Variants in COL1A2 observed in about 807,000 individuals in gnomAD.
COL1A2 encodes the protein collagen type I alpha 2 chain.
COL1A2 carries 49 observed loss-of-function variants against 174.3 expected under a neutral mutation model. That is an observed-to-expected ratio of 0.28 (90% CI 0.22 to 0.36). COL1A2 has a LOEUF of 0.36. COL1A2 is among the 10% of genes least tolerant of loss of function. The pLI, the probability that COL1A2 is intolerant of heterozygous loss-of-function variation, is 1.00. For missense variants in COL1A2, 1,438 were observed against 1,822.7 expected (o/e 0.79, Z 3.84); for synonymous variants, 655 against 606.6 (o/e 1.08, Z -1.17).
chr7:94,429,148 C>G lies in COL1A2; in HGVS notation c.3712-40C>G, dbSNP rs368535442. ...CATGTTTGACTCTTAGTATCTGAGT[C>G]CTTCTCCACTTAACTGGAATTTCAT... On this transcript the variant is annotated intron_variant, in intron 50 of 51. Coordinates refer to ENST00000297268, the MANE Select transcript of COL1A2 (RefSeq NM_000089.4). 4 of 1,410,138 alleles carry G rather than the reference C, an allele frequency of 2.8e-6. No individual in the cohort carries two copies. In the South Asian group the frequency reaches 4.8e-5, roughly 17 times the overall value. 87.4% of individuals were successfully genotyped at this position (1,410,138 alleles called of 1,614,324 possible).
intron 15 of COL1A2, 41 bp downstream of exon 15, chr7:94,408,421 G>T: frequency 6.3e-7 from 1 of 1,596,464 alleles, no homozygotes; most frequent in Non-Finnish European, 8.6e-7. Context: ...AGTTGAGAAT[G>T]TGGGGTGGGT....
chr7:94,406,216 G>A, intron 11 of COL1A2, 34 bp from the exon 12 acceptor site: 2 of 1,607,150 alleles, frequency 1.2e-6, no homozygotes, highest in East Asian at 4.5e-5. Flanking sequence ...ACACTATCAT[G>A]GAACAGCATT....
chr7:94,413,042 T>C (rs750987194), intron 25 of COL1A2, 41 bp from the exon 26 acceptor site: 3 of 1,593,748 alleles, frequency 1.9e-6, no homozygotes, highest in South Asian at 1.1e-5. Flanking sequence ...ACATTAAATG[T>C]GCAAAGCTGT....
chr7:94,398,969 A>G, intron 3 of COL1A2, 80 bp from the exon 4 acceptor site: 1 of 1,370,310 alleles, frequency 7.3e-7, no homozygotes, highest in Non-Finnish European at 1.0e-6. Context: ...CCAACTAATT[A>G]TTATCAAGAA....
At chr7:94,417,271 G>A (rs1168088467) in intron 31 of COL1A2, among the ~76,000 whole-genome samples, 3 of 152,196 alleles carry the variant, frequency 2.0e-5, no homozygotes, top group Non-Finnish European at 4.4e-5. Context: ...ATGTGGAATT[G>A]TAGGGTTTTA....
In COL1A2 at chr7:94,412,070, T is replaced by C; in HGVS notation, c.1353T>C (p.Gly451=). 4 of 1,611,276 alleles carry C rather than the reference T, an allele frequency of 2.5e-6. No homozygotes were observed. The highest frequency in any genetic ancestry group is 3.4e-6 in the Non-Finnish European group (4 of 1,178,226). The change falls in exon 24 of 52, where the codon GGT becomes GGC. Residue 451 remains glycine (G), a splice_region_variant and synonymous_variant. Coordinates refer to ENST00000297268, the MANE Select transcript of COL1A2 (RefSeq NM_000089.4). ...AAACATCCTCATTTATTTTATAGGG[T>C]CTTCCTGGTTCCCCTGGAAATATCG... ...PGEPGLMGPR[G]LPGSPGNIGP...
chr7:94,421,365 T>A, intron 38 of COL1A2: 1 of 465,488 alleles, frequency 2.1e-6, no homozygotes, highest in East Asian at 4.3e-5. Context: ...CCTGACCATG[T>A]CCTTCTCCTT....
At chr7:94,425,363 T>G (rs1227459079) in intron 42 of COL1A2, 139 bp downstream of exon 42, 2 of 873,538 alleles carry the variant, frequency 2.3e-6, no homozygotes, top group African/African-American at 3.4e-5. Flanking sequence ...CACCTAGTAC[T>G]GAAAATATGA....
chr7:94,418,449 T>C (rs1421506944), intron 32 of COL1A2, 50 bp from the exon 33 acceptor site: 2 of 1,535,516 alleles, frequency 1.3e-6, no homozygotes, highest in African/African-American at 2.7e-5. Flanking sequence ...TAATTTCGAT[T>C]CAAAATTTTG....
intron 6 of COL1A2, among the ~76,000 whole-genome samples, chr7:94,402,490 A>G (rs1019687564): frequency 6.6e-6 from 1 of 152,086 alleles, no homozygotes; most frequent in Non-Finnish European, 1.5e-5. Flanking sequence ...TCAGTGGAGC[A>G]CCGCTTAGAA....
At chr7:94,400,662 T>C (rs879802226) in intron 5 of COL1A2, among the ~76,000 whole-genome samples, 8 of 152,220 alleles carry the variant, frequency 5.3e-5, no homozygotes, top group Admixed American at 2.6e-4. Context: ...TCCTACGCTT[T>C]TTATTCTCCT....
Position 94,419,480 on chromosome 7 carries a change from T to C in COL1A2, c.2026-18T>C. Reference sequence around the variant, plus strand: ...TACGGGGTGTTATTAATAAGACATGTTTCCTTTTTGGTACTAGGGTGCTCC... The same window carrying C: ...TACGGGGTGTTATTAATAAGACATGCTTCCTTTTTGGTACTAGGGTGCTCC... On this transcript the variant is annotated intron_variant, in intron 33 of 51. Transcript: ENST00000297268. 6.2e-7 allele frequency: 1 copy of C among 1,613,900 alleles called. No homozygotes were observed. The highest frequency in any genetic ancestry group is 1.1e-5 in the South Asian group (1 of 91,070).
intron 39 of COL1A2, chr7:94,422,182 G>T (rs540738357): frequency 9.8e-6 from 4 of 406,288 alleles, no homozygotes; most frequent in South Asian, 7.7e-5. Flanking sequence ...CCTTTCAGGG[G>T]CATGGTCTTT....
At chr7:94,398,340 TACA>T (rs750132757) in intron 2 of COL1A2, 39 bp from the exon 3 acceptor site, 26 of 740,548 alleles carry the variant, frequency 3.5e-5, no homozygotes, top group Non-Finnish European at 5.3e-5. Context: ...AATATATATA[TACA>T]ATTTTCTTCA....
intron 9 of COL1A2, 121 bp downstream of exon 9, chr7:94,405,013 T>G: frequency 8.4e-7 from 1 of 1,197,270 alleles, no homozygotes; most frequent in South Asian, 1.3e-5. Flanking sequence ...GAACTCTTAA[T>G]GTATGGGAAA....
At position 94,400,211 on chromosome 7, in the gene COL1A2, C is replaced by A. The variant is rs879344129; in HGVS notation, c.148C>A (p.Pro50Thr). 5.0e-6 allele frequency: 8 copies of A among 1,613,384 alleles called. No individual in the cohort carries two copies. Among genetic ancestry groups the A allele is most frequent in the African/African-American group, 1.3e-5 (1 of 74,704 alleles). ...TACATAACAGGGTCCACCAGGCCCC[C>A]CAGGCAGAGATGGTGAAGATGGTCC... ...PRGERGPPGPPGRDGEDGPTG... is the reference protein window; with the variant it reads ...PRGERGPPGPTGRDGEDGPTG... The change falls in exon 5 of 52, where the codon CCA becomes ACA. Residue 50 changes from proline to threonine, a missense_variant. This residue lies in a region of COL1A2 where 281 missense variants were observed against 310.9 expected (regional missense o/e 0.90). Transcript: ENST00000297268.
intron 29 of COL1A2, 115 bp from the exon 30 acceptor site, chr7:94,415,111 C>T (rs1292158283): frequency 4.5e-6 from 4 of 879,192 alleles, no homozygotes; most frequent in Non-Finnish European, 7.8e-6. Flanking sequence ...CTTATGCACT[C>T]ATGTAGATAC....
chr7:94,403,797 G>A (rs540528366), intron 6 of COL1A2, among the ~76,000 whole-genome samples: 1 of 152,096 alleles, frequency 6.6e-6, no homozygotes, highest in Non-Finnish European at 1.5e-5. Context: ...GCTTACACAG[G>A]CACTGATTAC....
chr7:94,427,755 C>CT lies in COL1A2; in HGVS notation c.3397dup (p.Tyr1133LeufsTer2). 6.2e-7 allele frequency: 1 copy of CT among 1,614,136 alleles called. No individual in the cohort carries two copies. Among genetic ancestry groups the CT allele is most frequent in the Non-Finnish European group, 8.5e-7 (1 of 1,180,034 alleles). On this transcript the variant is annotated frameshift_variant, in exon 49 of 52. Coordinates refer to ENST00000297268, the MANE Select transcript of COL1A2 (RefSeq NM_000089.4). LOFTEE classifies it high-confidence loss of function. The stretch of plus-strand genomic sequence containing the variant: ...CAGCACCTTCTCTCAGACCCAAGGA[C>CT]TATGAAGTTGATGCTACTCTGAAGT...
Sources: allele counts gnomAD v4.1 joint callset (sites outside exome capture counted in the v4.1 genomes callset), GRCh38; gene constraint gnomAD v4.1.1; regional missense constraint gnomAD v4.1.1; transcripts MANE v1.5; gene names NCBI Gene and HGNC (gene_info 2026-07-23, HGNC 2026-07-21).